WASHC3: variants seen among roughly 807,000 people sequenced by gnomAD.
WASHC3 encodes WASH complex subunit 3.
In WASHC3, 24 loss-of-function variants were observed where a neutral mutation model predicts 26.1. The ratio of observed to expected loss-of-function variants is 0.92; its 90% confidence interval spans 0.66 to 1.29. The LOEUF is 1.29. Ranked by LOEUF, WASHC3 falls within the 50% of genes most tolerant of loss-of-function variation. WASHC3 has a pLI of 0.00. For synonymous variants in WASHC3, 77 were observed against 75.7 expected (o/e 1.02, Z -0.09); for missense variants, 214 against 229.6 (o/e 0.93, Z 0.44).
intron 2 of WASHC3, among the ~76,000 whole-genome samples, chr12:102,056,282 C>T (rs1268418434): frequency 2.0e-5 from 3 of 152,166 alleles, no homozygotes; most frequent in Non-Finnish European, 4.4e-5. Context: ...ATGCTAAAGA[C>T]ATTTTTAAAA....
At position 102,043,985 on chromosome 12, in the gene WASHC3, TA is replaced by T. The variant is rs552905935; in HGVS notation, c.324+119del. ...TTTTCCCAAACTTCATTTTCTATGT[TA>T]AGGTTTTAAAATTTTACTATTAGAA... is the stretch of plus-strand genomic sequence containing the variant. On this transcript the variant is annotated intron_variant, in intron 4 of 6. Coordinates refer to ENST00000240079, the MANE Select transcript of WASHC3 (RefSeq NM_016053.4). The T allele has an allele frequency of 1.5e-3, 750 of 495,048 alleles. 5 individuals are homozygous for T. The highest frequency in any genetic ancestry group is 0.014 in the African/African-American group (680 of 50,228). The allele number at this position is 495,048 out of a possible 1,614,324, so 30.7% of individuals were successfully genotyped here. A position where few individuals can be genotyped will look rare whatever the true frequency, so the allele number is the denominator to read the frequency against.
At chr12:102,046,182 G>C in intron 2 of WASHC3, 63 bp from the exon 3 acceptor site, 1 of 861,718 alleles carries the variant, frequency 1.2e-6, no homozygotes, top group Admixed American at 2.3e-5. Context: ...CAATAACTAA[G>C]GGCAGATATG....
At chr12:102,048,041 T>C (rs978490397) in intron 2 of WASHC3, among the ~76,000 whole-genome samples, 1 of 152,170 alleles carries the variant, frequency 6.6e-6, no homozygotes, top group East Asian at 1.9e-4. Flanking sequence ...AACATAATGG[T>C]AAATTCTTGG....
At chr12:102,020,660 G>C (rs761538487) in intron 6 of WASHC3, among the ~76,000 whole-genome samples, 21 of 152,180 alleles carry the variant, frequency 1.4e-4, no homozygotes, top group Non-Finnish European at 2.5e-4. Context: ...TAAAAATATT[G>C]CTGAATAGGA....
At chr12:102,044,084 C>A in intron 4 of WASHC3, 21 bp downstream of exon 4, 2 of 1,327,904 alleles carry the variant, frequency 1.5e-6, no homozygotes, top group South Asian at 1.3e-5. Context: ...AACATCTGCT[C>A]GTTTCTTAGA....
At chr12:102,059,319 A>AAAGAAATAATAAAAAT (rs1271609146) in intron 2 of WASHC3, among the ~76,000 whole-genome samples, 1 of 152,222 alleles carries the variant, frequency 6.6e-6, no homozygotes, top group African/African-American at 2.4e-5. Context: ...TACAATTTTT[A>AAAGAAATAATAAAAAT]CCTGTCAATT....
intron 6 of WASHC3, among the ~76,000 whole-genome samples, chr12:102,022,995 C>G (rs930011228): frequency 6.6e-6 from 1 of 151,412 alleles, no homozygotes; most frequent in South Asian, 2.1e-4. Flanking sequence ...TTTTTAGAAG[C>G]TAAACAGGAC....
intron 6 of WASHC3, among the ~76,000 whole-genome samples, chr12:102,021,834 TAA>T (rs940968468): frequency 1.1e-5 from 1 of 93,074 alleles, no homozygotes; most frequent in Non-Finnish European, 2.1e-5. Flanking sequence ...GCATGCCATG[TAA>T]AAAAAGTTTT....
chr12:102,041,069 T>C (rs1877916702), intron 4 of WASHC3, among the ~76,000 whole-genome samples: 1 of 151,778 alleles, frequency 6.6e-6, no homozygotes, highest in Admixed American at 6.6e-5. Flanking sequence ...GTTTCTTCTG[T>C]TACATGATAT....
chr12:102,036,908 GC>G (rs1166961454), intron 5 of WASHC3, among the ~76,000 whole-genome samples: 1 of 152,092 alleles, frequency 6.6e-6, no homozygotes, highest in Non-Finnish European at 1.5e-5. Flanking sequence ...GCTAAGTACT[GC>G]TAGAAAAAAG....
At chr12:102,037,847 A>C (rs907559177) in intron 5 of WASHC3, among the ~76,000 whole-genome samples, 2 of 151,138 alleles carry the variant, frequency 1.3e-5, no homozygotes, top group Non-Finnish European at 2.9e-5. Context: ...CCCAGGCTGG[A>C]GTACAATGCG....
chr12:102,049,651 A>G (rs559921867), intron 2 of WASHC3, among the ~76,000 whole-genome samples: 20 of 152,370 alleles, frequency 1.3e-4, no homozygotes, highest in African/African-American at 4.8e-4. Flanking sequence ...TGGTTGTAAA[A>G]TATCTTGTTT....
intron 4 of WASHC3, among the ~76,000 whole-genome samples, chr12:102,041,689 T>G (rs1211348785): frequency 6.6e-6 from 1 of 152,068 alleles, no homozygotes; most frequent in African/African-American, 2.4e-5. Context: ...GTATAAAATA[T>G]ACCAATTAAT....
rs373033501 is a variant in WASHC3, at chr12:102,019,935, T to G, written c.500+6039A>C. 1.1e-4 allele frequency among the ~76,000 whole-genome samples: 17 copies of G among 152,284 alleles called. 1 individual carries two copies. The highest frequency in any genetic ancestry group is 2.0e-4 in the Admixed American group (3 of 15,288). ...ATTTTGACACCCGTTCTTCTCCCAT[T>G]GATGTGAATCAATGAAGGTTGTCAA... is the stretch of plus-strand genomic sequence containing the variant. On this transcript the variant is annotated intron_variant, in intron 6 of 6. Coordinates refer to ENST00000240079, the MANE Select transcript of WASHC3 (RefSeq NM_016053.4).
chr12:102,044,039 C>T (rs1878051948), intron 4 of WASHC3, 66 bp downstream of exon 4: 1 of 651,776 alleles, frequency 1.5e-6, no homozygotes, highest in Non-Finnish European at 2.5e-6. Context: ...TTCTTCCTTC[C>T]AACCTGCTGC....
chr12:102,030,891 T>C (rs981205039), intron 5 of WASHC3, among the ~76,000 whole-genome samples: 2 of 152,354 alleles, frequency 1.3e-5, no homozygotes, highest in East Asian at 3.9e-4. Context: ...ATTTAAAACC[T>C]GAACTTTTAG....
At chr12:102,047,993 C>T (rs1441924317) in intron 2 of WASHC3, among the ~76,000 whole-genome samples, 4 of 152,214 alleles carry the variant, frequency 2.6e-5, no homozygotes, top group African/African-American at 9.7e-5. Context: ...AGGCAATACA[C>T]TTCACGAGAT....
At chr12:102,054,656 T>C (rs1878521651) in intron 2 of WASHC3, among the ~76,000 whole-genome samples, 1 of 152,312 alleles carries the variant, frequency 6.6e-6, no homozygotes, top group Admixed American at 6.5e-5. Context: ...GGTTATATGA[T>C]ATGCCACAAA....
At chr12:102,041,012 A>G (rs1877914979) in intron 4 of WASHC3, among the ~76,000 whole-genome samples, 1 of 151,902 alleles carries the variant, frequency 6.6e-6, no homozygotes, top group Non-Finnish European at 1.5e-5. Context: ...ATATAAATTA[A>G]ATCTGTCAAA....
Sources: gnomAD v4.1 joint callset for allele counts (sites outside exome capture counted in the v4.1 genomes callset) on GRCh38, gnomAD v4.1.1 for gene constraint, MANE v1.5 for transcripts, NCBI Gene and HGNC (gene_info 2026-07-23, HGNC 2026-07-21) for gene names.